Variants in SMAD2 observed in about 807,000 individuals in gnomAD.
SMAD2 encodes SMAD family member 2.
Under a neutral mutation model 64.4 loss-of-function variants are expected in SMAD2, and 8 were observed. The ratio of observed to expected loss-of-function variants is 0.12; its 90% CI spans 0.07 to 0.22. The LOEUF is 0.22. SMAD2 is among the 10% of genes least tolerant of loss of function. SMAD2 has a pLI of 1.00. For synonymous variants in SMAD2, 203 were observed against 195.8 expected (o/e 1.04, Z -0.31); for missense variants, 289 against 561.2 (o/e 0.51, Z 4.90).
At chr18:47,927,078 C>T (rs2034795676) in intron 1 of SMAD2, among the ~76,000 whole-genome samples, 1 of 152,208 alleles carries the variant, frequency 6.6e-6, no homozygotes, top group African/African-American at 2.4e-5. Flanking sequence ...TAACTTTTTA[C>T]ACTATTCCCG....
chr18:47,876,808 T>C (rs949446678), intron 2 of SMAD2, among the ~76,000 whole-genome samples: 11 of 152,110 alleles, frequency 7.2e-5, no homozygotes, highest in Admixed American at 2.6e-4. Flanking sequence ...AAGTATACAC[T>C]CGCCTACATA....
rs935994339 is a variant in SMAD2 at position 47,809,638 on chromosome 18, A to C, written c.*32189T>G. 1.3e-5 allele frequency: 2 copies of C among 152,104 alleles called. No individual in the cohort carries two copies. The highest frequency in any genetic ancestry group is 2.4e-5 in the African/African-American group (1 of 41,374). The allele number at this position is 152,104 out of a possible 1,614,324, so 9.4% of individuals were successfully genotyped here. Reference sequence around the variant, plus strand: ...CGGGCAGTGATTCCCATCTTATAAGAGCTTTGTTGGATGACAGCCAATGTT... The same window carrying C: ...CGGGCAGTGATTCCCATCTTATAAGCGCTTTGTTGGATGACAGCCAATGTT... On this transcript the variant is annotated 3_prime_UTR_variant, in exon 11 of 11. Coordinates refer to ENST00000262160, the MANE Select transcript of SMAD2 (RefSeq NM_005901.6).
chr18:47,892,707 TAC>T (rs1390041444), intron 2 of SMAD2, among the ~76,000 whole-genome samples: 5 of 152,140 alleles, frequency 3.3e-5, no homozygotes, highest in Non-Finnish European at 7.4e-5. Flanking sequence ...TTAAAAACAA[TAC>T]AGATTCCAAT....
intron 1 of SMAD2, among the ~76,000 whole-genome samples, chr18:47,915,276 A>G (rs1326554246): frequency 6.6e-6 from 1 of 152,188 alleles, no homozygotes. Context: ...GTTTTGCTAC[A>G]TATTGTATCC....
chr18:47,834,590 T>C lies in SMAD2; in HGVS notation c.*7237A>G. The C allele has an allele frequency of 4.8e-6, 1 of 206,228 alleles. No homozygotes were observed. Among genetic ancestry groups the C allele is most frequent in the Non-Finnish European group, 9.9e-6 (1 of 100,956 alleles). 12.8% of individuals were successfully genotyped at this position (206,228 alleles called of 1,614,324 possible). On this transcript the variant is annotated 3_prime_UTR_variant, in exon 11 of 11. Transcript: ENST00000262160. ...AGTCCCCAAAATATTTTTACATCAC[T>C]AGCTAATGGCTAGTTCCTCTAAGCT...
At chr18:47,853,705 A>T (rs572529134) in intron 6 of SMAD2, among the ~76,000 whole-genome samples, 1 of 152,276 alleles carries the variant, frequency 6.6e-6, no homozygotes, top group Non-Finnish European at 1.5e-5. Flanking sequence ...GGTCTTCCAC[A>T]ACATAATTAA....
chr18:47,873,480 A>C, intron 2 of SMAD2, among the ~76,000 whole-genome samples: 1 of 152,334 alleles, frequency 6.6e-6, no homozygotes, highest in South Asian at 2.1e-4. Flanking sequence ...AAAACAAATA[A>C]GTATGACCAG....
At chr18:47,915,816 C>T (rs939104722) in intron 1 of SMAD2, among the ~76,000 whole-genome samples, 2 of 152,170 alleles carry the variant, frequency 1.3e-5, no homozygotes, top group Admixed American at 6.5e-5. Context: ...TTCAGTCAAT[C>T]CACCTTCCCC....
chr18:47,851,832 C>T (rs1022399910), intron 6 of SMAD2, among the ~76,000 whole-genome samples: 1 of 152,134 alleles, frequency 6.6e-6, no homozygotes, highest in African/African-American at 2.4e-5. Context: ...AGAACCAATG[C>T]TTTGAGATTG....
intron 6 of SMAD2, among the ~76,000 whole-genome samples, chr18:47,856,854 A>T (rs1159774274): frequency 1.4e-4 from 17 of 123,276 alleles, no homozygotes; most frequent in Middle Eastern, 9.8e-3. Context: ...AACTATGCTA[A>T]TTTTTTTTTT....
chr18:47,853,944 ACTC>A (rs754071067), intron 6 of SMAD2, among the ~76,000 whole-genome samples: 3 of 152,168 alleles, frequency 2.0e-5, no homozygotes, highest in Non-Finnish European at 2.9e-5. Flanking sequence ...TTAACTGTTT[ACTC>A]CTCTATTAAA....
chr18:47,812,176 G>A lies in SMAD2; in HGVS notation c.*29651C>T, dbSNP rs1912226183. The A allele has an allele frequency of 6.6e-6, 1 of 152,160 alleles. No homozygotes were observed. The highest frequency in any genetic ancestry group is 6.5e-5 in the Admixed American group (1 of 15,278). The allele number at this position is 152,160 out of a possible 1,614,324, so 9.4% of individuals were successfully genotyped here. A position where few individuals can be genotyped will look rare whatever the true frequency, so the allele number is the denominator to read the frequency against. On this transcript the variant is annotated 3_prime_UTR_variant, in exon 11 of 11. Coordinates refer to ENST00000262160, the MANE Select transcript of SMAD2 (RefSeq NM_005901.6). ...ACCCAGTGAGAGGTAACTGAATCATGGGGGTGGGTCTTTCCCGTGCTGCTC... is the reference window on the plus strand; with the variant it reads ...ACCCAGTGAGAGGTAACTGAATCATAGGGGTGGGTCTTTCCCGTGCTGCTC...
At chr18:47,929,345 G>C (rs908486430) in intron 1 of SMAD2, among the ~76,000 whole-genome samples, 3 of 152,166 alleles carry the variant, frequency 2.0e-5, no homozygotes, top group African/African-American at 7.2e-5. Context: ...TCATTCATAC[G>C]AAACTATCAG....
chr18:47,893,308 C>T (rs2033294455), intron 2 of SMAD2, among the ~76,000 whole-genome samples: 1 of 152,124 alleles, frequency 6.6e-6, no homozygotes, highest in Middle Eastern at 3.2e-3. Context: ...GACACAAAGC[C>T]AGGACTATGT....
At chr18:47,857,767 AG>A (rs1452459685) in intron 6 of SMAD2, among the ~76,000 whole-genome samples, 11 of 152,368 alleles carry the variant, frequency 7.2e-5, no homozygotes, top group Admixed American at 7.2e-4. Context: ...CACAGACGAC[AG>A]GAATCGAAGA....
rs564562769 is a variant in SMAD2, at chr18:47,812,127, A to G, written c.*29700T>C. On this transcript the variant is annotated 3_prime_UTR_variant, in exon 11 of 11. Transcript: ENST00000262160. ...AATCTCATCTTGAATTGGAGCTCCC[A>G]TAATTCCCCATATTATGTGAGGGAC... 1.3e-5 allele frequency: 2 copies of G among 152,292 alleles called. No homozygotes were observed. Among genetic ancestry groups the G allele is most frequent in the South Asian group, 2.1e-4 (1 of 4,820 alleles). 9.4% of individuals were successfully genotyped at this position (152,292 alleles called of 1,614,324 possible).
intron 2 of SMAD2, among the ~76,000 whole-genome samples, chr18:47,881,869 GTTT>G (rs748654045): frequency 6.6e-6 from 1 of 151,832 alleles, no homozygotes; most frequent in Non-Finnish European, 1.5e-5. Flanking sequence ...AAATTACATA[GTTT>G]TTTTGTTTGT....
chr18:47,862,112 C>T (rs777242747), intron 6 of SMAD2, among the ~76,000 whole-genome samples: 3 of 152,068 alleles, frequency 2.0e-5, no homozygotes, highest in Admixed American at 6.5e-5. Flanking sequence ...TAGTAGTTTA[C>T]AAGAAGAAAA....
At chr18:47,904,521 G>C (rs75832560) in intron 1 of SMAD2, among the ~76,000 whole-genome samples, 3,424 of 152,196 alleles carry the variant, frequency 0.022, 126 homozygotes, top group African/African-American at 0.078. Context: ...GCTGAGGAAT[G>C]AGAAGCAACA....
Sources: allele counts gnomAD v4.1 joint callset (sites outside exome capture counted in the v4.1 genomes callset), GRCh38; gene constraint gnomAD v4.1.1; transcripts MANE v1.5; gene names NCBI Gene and HGNC (gene_info 2026-07-23, HGNC 2026-07-21).